IQSEC1: variants seen among roughly 807,000 people sequenced by gnomAD.
IQSEC1 encodes the protein IQ motif and SEC7 domain-containing protein 1.
In IQSEC1, 31 loss-of-function variants were observed where a neutral mutation model predicts 91.0. The ratio of observed to expected loss-of-function variants is 0.34; its 90% CI spans 0.26 to 0.46. IQSEC1 has a LOEUF of 0.46. Ranked by LOEUF, IQSEC1 falls within the 20% of genes least tolerant of loss-of-function variation. The pLI, the probability that IQSEC1 is intolerant of heterozygous loss-of-function variation, is 1.00. For missense variants in IQSEC1, 1,388 were observed against 1,575.6 expected (o/e 0.88, Z 2.02); for synonymous variants, 699 against 662.6 (o/e 1.05, Z -0.84).
intron 1 of IQSEC1, among the ~76,000 whole-genome samples, chr3:12,989,640 A>G (rs961536844): frequency 3.9e-5 from 6 of 152,120 alleles, no homozygotes; most frequent in African/African-American, 1.2e-4. Flanking sequence ...GAAGCCCCCA[A>G]AAGGCTGGCT....
chr3:12,899,972 A>G lies in IQSEC1; in HGVS notation c.*1011T>C, dbSNP rs1694065391. On this transcript the variant is annotated 3_prime_UTR_variant, in exon 14 of 14. Transcript: ENST00000613206. ...CAAATCATATGCGCATAAAAGAAACATGGATCATGGAGAGTCACAGTTATC... is the reference window on the plus strand; with the variant it reads ...CAAATCATATGCGCATAAAAGAAACGTGGATCATGGAGAGTCACAGTTATC... 2 of 985,234 alleles carry G rather than the reference A, an allele frequency of 2.0e-6. No homozygotes were observed. Among genetic ancestry groups the G allele is most frequent in the South Asian group, 4.7e-5 (1 of 21,250 alleles). 61.0% of individuals were successfully genotyped at this position (985,234 alleles called of 1,614,324 possible).
intron 1 of IQSEC1, among the ~76,000 whole-genome samples, chr3:13,072,484 C>G (rs893369926): frequency 2.6e-5 from 4 of 152,240 alleles, no homozygotes; most frequent in African/African-American, 7.2e-5. Flanking sequence ...CCACAGAACA[C>G]CTGGGCACAC....
intron 6 of IQSEC1, among the ~76,000 whole-genome samples, chr3:12,918,634 T>A (rs1428791252): frequency 6.6e-6 from 1 of 151,976 alleles, no homozygotes; most frequent in Admixed American, 6.6e-5. Context: ...CTGGGCAACA[T>A]AGTGAGACCC....
intron 5 of IQSEC1, 79 bp from the exon 6 acceptor site, chr3:12,920,675 T>C (rs1696548374): frequency 1.4e-6 from 2 of 1,464,158 alleles, no homozygotes; most frequent in East Asian, 2.3e-5. Flanking sequence ...GAGGCTGTCA[T>C]GTGCCGCTAA....
intron 1 of IQSEC1, among the ~76,000 whole-genome samples, chr3:13,015,327 C>T (rs1026888329): frequency 7.9e-5 from 12 of 152,272 alleles, no homozygotes; most frequent in Admixed American, 2.0e-4. Context: ...TGGTCTAACG[C>T]GCAGGGGAGC....
At chr3:12,912,942 C>A (rs1309632649) in intron 9 of IQSEC1, among the ~76,000 whole-genome samples, 1 of 152,196 alleles carries the variant, frequency 6.6e-6, no homozygotes, top group African/African-American at 2.4e-5. Context: ...GGGACCTAGG[C>A]CTAGCCAATC....
intron 1 of IQSEC1, among the ~76,000 whole-genome samples, chr3:13,039,308 C>G (rs1268046238): frequency 6.6e-6 from 1 of 152,238 alleles, no homozygotes; most frequent in African/African-American, 2.4e-5. Flanking sequence ...GCCCGAGCCT[C>G]TGGCAGAGCT....
intron 2 of IQSEC1, among the ~76,000 whole-genome samples, chr3:13,099,984 C>T (rs1471429963): frequency 1.6e-5 from 2 of 122,504 alleles, no homozygotes; most frequent in East Asian, 1.9e-4. Flanking sequence ...TCGGAGGTGA[C>T]GGGGACAGTG....
intron 1 of IQSEC1, among the ~76,000 whole-genome samples, chr3:13,004,836 T>C (rs958940743): frequency 1.3e-5 from 2 of 151,988 alleles, no homozygotes; most frequent in Non-Finnish European, 2.9e-5. Context: ...CACGCAAATA[T>C]CCACGAGGTA....
chr3:12,953,275 C>T (rs548812750), intron 1 of IQSEC1, among the ~76,000 whole-genome samples: 9 of 152,348 alleles, frequency 5.9e-5, no homozygotes, highest in East Asian at 1.9e-4. Context: ...CTGGAACTGC[C>T]GGGGCAGCCC....
intron 1 of IQSEC1, among the ~76,000 whole-genome samples, chr3:12,949,312 C>A (rs1276149237): frequency 6.6e-6 from 1 of 152,224 alleles, no homozygotes; most frequent in African/African-American, 2.4e-5. Context: ...CACGTGTGGC[C>A]AGAGGGTGGC....
In IQSEC1 at chr3:12,913,539, G is replaced by T; in HGVS notation, c.2205C>A (p.Pro735=). The T allele has an allele frequency of 6.2e-7, 1 of 1,604,650 alleles. No individual in the cohort carries two copies. Residue 735 remains proline, a synonymous_variant, in exon 9 of 14, where the codon CCC becomes CCA. Coordinates refer to ENST00000613206, the MANE Select transcript of IQSEC1 (RefSeq NM_001134382.3). ...HPGLGCVLSL[P]HRRLVCYCRL... is the part of the protein sequence containing the mutation. Reference sequence around the variant, plus strand: ...GGCAGTAGCAGACCAACCGACGGTGGGGCAGAGAGAGCACCTGTGTGGGAA... The same window carrying T: ...GGCAGTAGCAGACCAACCGACGGTGTGGCAGAGAGAGCACCTGTGTGGGAA...
chr3:13,271,625 A>G (rs1372477099), intron 1 of IQSEC1, among the ~76,000 whole-genome samples: 1 of 151,660 alleles, frequency 6.6e-6, no homozygotes, highest in African/African-American at 2.4e-5. Context: ...GCAAGACACC[A>G]TCTCTACAAA....
intron 2 of IQSEC1, among the ~76,000 whole-genome samples, chr3:13,161,132 C>T (rs1338635436): frequency 6.6e-6 from 1 of 152,142 alleles, no homozygotes; most frequent in Non-Finnish European, 1.5e-5. Context: ...AGGGGGCAGG[C>T]ACGCAGGAAT....
At chr3:13,095,059 C>T (rs1052347458) in intron 2 of IQSEC1, among the ~76,000 whole-genome samples, 18 of 151,960 alleles carry the variant, frequency 1.2e-4, no homozygotes, top group Admixed American at 7.2e-4. Flanking sequence ...CCCCCCTCCT[C>T]TCCACCTTGC....
At chr3:13,222,633 C>T (rs1051633417) in intron 1 of IQSEC1, among the ~76,000 whole-genome samples, 1 of 152,232 alleles carries the variant, frequency 6.6e-6, no homozygotes, top group African/African-American at 2.4e-5. Flanking sequence ...CCTCACCAAC[C>T]AGAGAATGGC....
At chr3:12,964,873 G>T (rs1180641850) in intron 1 of IQSEC1, among the ~76,000 whole-genome samples, 10 of 152,158 alleles carry the variant, frequency 6.6e-5, no homozygotes, top group Non-Finnish European at 1.3e-4. Context: ...TGCAGCCCTG[G>T]GTACCCTGTC....
intron 1 of IQSEC1, among the ~76,000 whole-genome samples, chr3:13,237,530 G>A (rs1182568411): frequency 1.3e-5 from 2 of 152,168 alleles, no homozygotes; most frequent in Non-Finnish European, 2.9e-5. Context: ...ACTCTGAACC[G>A]GTGCAGGCCC....
upstream of IQSEC1, among the ~76,000 whole-genome samples, chr3:13,074,945 C>T (rs1322237078): frequency 6.6e-6 from 1 of 152,172 alleles, no homozygotes; most frequent in African/African-American, 2.4e-5. Flanking sequence ...CCCCAGTCTT[C>T]CAGCTCAGTG....
Sources: allele counts gnomAD v4.1 joint callset (sites outside exome capture counted in the v4.1 genomes callset), GRCh38; gene constraint gnomAD v4.1.1; transcripts MANE v1.5; gene names NCBI Gene and HGNC (gene_info 2026-07-23, HGNC 2026-07-21).